The following CORIN variants were observed in gnomAD, a reference collection of about 807,000 sequenced individuals.
The protein encoded by CORIN is atrial natriuretic peptide-converting enzyme.
A neutral mutation model predicts 125.3 loss-of-function variants in CORIN; 117 were observed. The ratio of observed to expected loss-of-function variants is 0.93; its 90% CI spans 0.80 to 1.09. The LOEUF is 1.09. CORIN is among the 50% of genes least tolerant of loss of function. The pLI is 0.00. For missense variants in CORIN, 1,253 were observed against 1,306.7 expected, an observed-to-expected ratio of 0.96 and a Z score of 0.63; for synonymous variants, 450 against 466.4, an observed-to-expected ratio of 0.96 and a Z score of 0.45.
intron 5 of CORIN, among the ~76,000 whole-genome samples, chr4:47,723,714 C>T (rs189290525): frequency 6.6e-6 from 1 of 152,100 alleles, no homozygotes; most frequent in African/African-American, 2.4e-5. Flanking sequence ...AGAAGCAGGG[C>T]AAGGCCAGGC....
chr4:47,820,117 G>A (rs1476393911), intron 1 of CORIN, among the ~76,000 whole-genome samples: 1 of 152,088 alleles, frequency 6.6e-6, no homozygotes, highest in Non-Finnish European at 1.5e-5. Flanking sequence ...AACCATCCAT[G>A]GTTTCAACTA....
At chr4:47,744,346 T>G in intron 5 of CORIN, 56 bp downstream of exon 5, 3 of 1,469,126 alleles carry the variant, frequency 2.0e-6, no homozygotes, top group Non-Finnish European at 2.8e-6. Context: ...CATTCCTGTA[T>G]AAATGGCATA....
intron 16 of CORIN, among the ~76,000 whole-genome samples, chr4:47,637,900 G>A (rs1403079262): frequency 6.6e-6 from 1 of 152,160 alleles, no homozygotes; most frequent in African/African-American, 2.4e-5. Flanking sequence ...TCCACTGATA[G>A]CTTGCACCAT....
At chr4:47,823,977 C>T (rs537850129) in intron 1 of CORIN, among the ~76,000 whole-genome samples, 12 of 152,282 alleles carry the variant, frequency 7.9e-5, no homozygotes, top group South Asian at 2.1e-4. Flanking sequence ...ATGTGGCTGA[C>T]GTGCTGCTGT....
At chr4:47,667,591 G>A (rs1403810878) in intron 10 of CORIN, among the ~76,000 whole-genome samples, 1 of 152,022 alleles carries the variant, frequency 6.6e-6, no homozygotes, top group Non-Finnish European at 1.5e-5. Flanking sequence ...ACATCTCCAG[G>A]ACTACTTCTT....
At chr4:47,722,948 T>A (rs1475349091) in intron 5 of CORIN, among the ~76,000 whole-genome samples, 1 of 152,198 alleles carries the variant, frequency 6.6e-6, no homozygotes, top group Non-Finnish European at 1.5e-5. Flanking sequence ...TTTCTACTCA[T>A]ATTTCCCAAC....
chr4:47,624,089 A>G, intron 17 of CORIN, 141 bp from the exon 18 acceptor site: 3 of 698,796 alleles, frequency 4.3e-6, no homozygotes, highest in Non-Finnish European at 7.3e-6. Context: ...GTGTTACCAC[A>G]GGAAAGCACA....
At chr4:47,704,489 G>C (rs1726457086) in intron 5 of CORIN, among the ~76,000 whole-genome samples, 1 of 152,074 alleles carries the variant, frequency 6.6e-6, no homozygotes, top group African/African-American at 2.4e-5. Flanking sequence ...AGGGCAATAA[G>C]GGGTAAGAGG....
At chr4:47,812,097 A>T (rs781310956) in intron 1 of CORIN, among the ~76,000 whole-genome samples, 1 of 152,228 alleles carries the variant, frequency 6.6e-6, no homozygotes, top group Non-Finnish European at 1.5e-5. Context: ...ATATAATTGT[A>T]CAGGGGGTAA....
At chr4:47,655,359 T>C (rs533764866) in intron 12 of CORIN, among the ~76,000 whole-genome samples, 1 of 152,252 alleles carries the variant, frequency 6.6e-6, no homozygotes, top group East Asian at 1.9e-4. Context: ...GGGTAGAACA[T>C]CAAGTGAATT....
chr4:47,726,763 T>C (rs192078082), intron 5 of CORIN, among the ~76,000 whole-genome samples: 7 of 152,142 alleles, frequency 4.6e-5, no homozygotes, highest in Admixed American at 3.9e-4. Context: ...GATGAATAAG[T>C]TTTGACATTG....
chr4:47,786,317 T>C (rs994637437), intron 3 of CORIN, among the ~76,000 whole-genome samples: 6 of 151,872 alleles, frequency 4.0e-5, no homozygotes, highest in African/African-American at 9.7e-5. Context: ...GGCGGATCAC[T>C]TGAGGTCAGG....
intron 5 of CORIN, among the ~76,000 whole-genome samples, chr4:47,730,472 C>CA (rs71199996): frequency 0.15 from 9,808 of 64,800 alleles, 758 homozygotes; most frequent in Non-Finnish European, 0.23. Context: ...GACTCCATCT[C>CA]AAAAAAAAAA....
chr4:47,779,553 A>C (rs981276430), intron 3 of CORIN, among the ~76,000 whole-genome samples: 3 of 150,754 alleles, frequency 2.0e-5, no homozygotes, highest in African/African-American at 7.3e-5. Flanking sequence ...CTCCTGCCTC[A>C]GCCTCCCGAG....
chr4:47,740,101 A>G (rs1728318694), intron 5 of CORIN, among the ~76,000 whole-genome samples: 1 of 152,002 alleles, frequency 6.6e-6, no homozygotes, highest in Non-Finnish European at 1.5e-5. Flanking sequence ...ATTAAACACT[A>G]CAATCAAAAG....
chr4:47,604,461 C>G (rs949253869), intron 19 of CORIN, among the ~76,000 whole-genome samples: 1 of 152,198 alleles, frequency 6.6e-6, no homozygotes, highest in African/African-American at 2.4e-5. Flanking sequence ...GAGCTGCAGA[C>G]TTAATGTTCA....
chr4:47,685,265 C>T (rs966925673), intron 6 of CORIN, among the ~76,000 whole-genome samples: 7 of 152,074 alleles, frequency 4.6e-5, no homozygotes, highest in Non-Finnish European at 8.8e-5. Context: ...GAAAAAAATC[C>T]AACTACTCAC....
At chr4:47,787,069 G>T in intron 2 of CORIN, 144 bp from the exon 3 acceptor site, 6 of 642,938 alleles carry the variant, frequency 9.3e-6, no homozygotes, top group South Asian at 8.2e-5. Flanking sequence ...GATGAAAGCC[G>T]TAATAGTGAC....
chr4:47,833,755 T>C lies in CORIN; in HGVS notation c.63+4132A>G, dbSNP rs976722431. 4.6e-5 allele frequency among the ~76,000 whole-genome samples: 7 copies of C among 152,114 alleles called. No individual in the cohort carries two copies. In the South Asian group the frequency reaches 6.2e-4, roughly 14 times the overall value. On this transcript the variant is annotated intron_variant, in intron 1 of 21. Transcript: ENST00000273857. ...TTTTAAAATGGGAAAAAGACCTAAA[T>C]AGACATTACTCCAAAGAAGACATAA...
Sources: gnomAD v4.1 joint callset for allele counts (sites outside exome capture counted in the v4.1 genomes callset) on GRCh38, gnomAD v4.1.1 for gene constraint, MANE v1.5 for transcripts, NCBI Gene and HGNC (gene_info 2026-07-23, HGNC 2026-07-21) for gene names.